The following HEATR3 variants were observed in gnomAD, a reference collection of about 807,000 sequenced individuals.
HEATR3 encodes HEAT repeat-containing protein 3.
In HEATR3, 56 loss-of-function variants were observed where a neutral mutation model predicts 72.8. The ratio of observed to expected loss-of-function variants is 0.77; its 90% confidence interval spans 0.62 to 0.96. The LOEUF (loss-of-function observed/expected upper bound fraction) is 0.96, where lower values mean the gene tolerates loss of function less well. Among genes scored for constraint, HEATR3 ranks in the 40% least tolerant of loss-of-function variants. HEATR3 has a pLI of 0.00. For synonymous variants in HEATR3, 331 were observed against 318.1 expected (o/e 1.04, Z -0.43); for missense variants, 747 against 831.4 (o/e 0.90, Z 1.25).
chr16:50,100,393 A>G lies in HEATR3; in HGVS notation c.1743+20A>G, dbSNP rs779141465. The stretch of plus-strand genomic sequence containing the variant: ...CTTAAGGTAAAACAATTTGCTTCTG[A>G]CCTAACATGTTAAATAATTAGAAAT... On this transcript the variant is annotated intron_variant, in intron 13 of 14. Coordinates refer to ENST00000299192, the MANE Select transcript of HEATR3 (RefSeq NM_182922.4). The G allele has an allele frequency of 6.2e-7, 1 of 1,610,528 alleles. No homozygotes were observed. The highest frequency in any genetic ancestry group is 8.5e-7 in the Non-Finnish European group (1 of 1,177,552).
At chr16:50,093,493 A>G (rs1377011656) in intron 11 of HEATR3, among the ~76,000 whole-genome samples, 1 of 152,160 alleles carries the variant, frequency 6.6e-6, no homozygotes, top group Non-Finnish European at 1.5e-5. Flanking sequence ...TGGTTTTACA[A>G]CTTGGAAATT....
In HEATR3 at chr16:50,070,222, A is replaced by G; in HGVS notation, c.444A>G (p.Lys148=). The change falls in exon 4 of 15, where the codon AAA becomes AAG. Residue 148 remains lysine (K), a synonymous_variant. Transcript: ENST00000299192. ...CAAATGAGATGTCTCTGCAGGAGAAAAAAGATCAGAACAGAAATTCTATTG... is the reference window on the plus strand; with the variant it reads ...CAAATGAGATGTCTCTGCAGGAGAAGAAAGATCAGAACAGAAATTCTATTG... ...LDSNEMSLQE[K]KDQNRNSIEN... 2 of 1,610,832 alleles carry G rather than the reference A, an allele frequency of 1.2e-6. No homozygotes were observed. The highest frequency in any genetic ancestry group is 8.5e-7 in the Non-Finnish European group (1 of 1,177,864).
intron 11 of HEATR3, among the ~76,000 whole-genome samples, chr16:50,087,258 A>T (rs1239465212): frequency 6.6e-6 from 1 of 152,212 alleles, no homozygotes; most frequent in East Asian, 1.9e-4. Flanking sequence ...ATCTTTCTTC[A>T]AACACCTTTG....
intron 3 of HEATR3, 148 bp from the exon 4 acceptor site, chr16:50,070,030 G>T: frequency 2.2e-6 from 1 of 454,852 alleles, no homozygotes; most frequent in Non-Finnish European, 4.0e-6. Context: ...ACTTTGTATT[G>T]ATTTTGTACT....
intron 3 of HEATR3, chr16:50,069,293 A>G (rs2036562172): frequency 6.0e-6 from 1 of 165,450 alleles, no homozygotes; most frequent in African/African-American, 2.4e-5. Context: ...GATTACAGTA[A>G]GTTCTCATGT....
chr16:50,068,831 G>C lies in HEATR3; in HGVS notation c.363G>C (p.Lys121Asn). 6.2e-7 allele frequency: 1 copy of C among 1,614,010 alleles called. No individual in the cohort carries two copies. The highest frequency in any genetic ancestry group is 8.5e-7 in the Non-Finnish European group (1 of 1,179,924). Residue 121 changes from lysine (K) to asparagine (N), a missense_variant, in exon 3 of 15, where the codon AAG becomes AAC. Transcript: ENST00000299192. Reference protein sequence around the residue: ...GFEVCDDMVTKDIMTPLVALL... With the variant: ...GFEVCDDMVTNDIMTPLVALL... ...AAGTTTGTGATGACATGGTGACTAA[G>C]GATATCATGACCCCTCTGGTTGCGC... is the stretch of plus-strand genomic sequence containing the variant.
At chr16:50,074,668 G>A (rs2036683644) in intron 5 of HEATR3, 2 of 151,528 alleles carry the variant, frequency 1.3e-5, no homozygotes, top group Non-Finnish European at 2.9e-5. Context: ...AACATTTATA[G>A]TAACGACATT....
intron 7 of HEATR3, among the ~76,000 whole-genome samples, chr16:50,082,849 G>A (rs901909750): frequency 2.7e-5 from 4 of 150,512 alleles, no homozygotes. Flanking sequence ...GTTGCACAGT[G>A]GTACAATCTC....
At chr16:50,094,310 G>C (rs1295584644) in intron 11 of HEATR3, among the ~76,000 whole-genome samples, 1 of 152,214 alleles carries the variant, frequency 6.6e-6, no homozygotes, top group East Asian at 1.9e-4. Context: ...GGGTTGGCAA[G>C]GAAGCATTCT....
At position 50,070,287 on chromosome 16, in the gene HEATR3, T is replaced by C. The variant is rs1483347868; in HGVS notation, c.509T>C (p.Ile170Thr). 1.3e-6 allele frequency: 2 copies of C among 1,496,748 alleles called. No homozygotes were observed. The highest frequency in any genetic ancestry group is 1.7e-4 in the Middle Eastern group (1 of 5,848). The allele number at this position is 1,496,748 out of a possible 1,614,324, so 92.7% of individuals were successfully genotyped here. A position where few individuals can be genotyped will look rare whatever the true frequency, so the allele number is the denominator to read the frequency against. Residue 170 changes from isoleucine to threonine, a missense_variant, in exon 4 of 15, where the codon ATA becomes ACA. By Grantham distance (89) the Ile-to-Thr change is moderately conservative. This residue lies in a region of HEATR3 where 586 missense variants were observed against 708.8 expected (regional missense o/e 0.83). Coordinates refer to ENST00000299192, the MANE Select transcript of HEATR3 (RefSeq NM_182922.4). The part of the protein sequence containing the change: ...ANETVNVLWN[I>T]CECSSRAVSI... ...GAGACTGTGAACGTGCTGTGGAATA[T>C]ATGGTAAGATGCCTACCAAACACAG...
intron 11 of HEATR3, among the ~76,000 whole-genome samples, chr16:50,087,893 G>A (rs538388720): frequency 9.9e-5 from 15 of 152,264 alleles, no homozygotes; most frequent in Non-Finnish European, 1.6e-4. Flanking sequence ...TTGGGAGGCC[G>A]AGGCGGGTGG....
intron 2 of HEATR3, 191 bp downstream of exon 2, chr16:50,066,730 C>A: frequency 2.1e-6 from 1 of 485,060 alleles, no homozygotes; most frequent in Non-Finnish European, 3.3e-6. Context: ...ATCTGTCCAC[C>A]TGGCTGCTTC....
chr16:50,068,920 CT>C (rs1225846177), intron 3 of HEATR3, 53 bp downstream of exon 3: 10 of 1,313,232 alleles, frequency 7.6e-6, no homozygotes, highest in African/African-American at 1.5e-5. Context: ...CAAACTTAGA[CT>C]TTTTTTAGTA....
At chr16:50,104,358 C>CA (rs1339725781) in intron 14 of HEATR3, among the ~76,000 whole-genome samples, 2 of 151,156 alleles carry the variant, frequency 1.3e-5, no homozygotes, top group African/African-American at 4.9e-5. Flanking sequence ...GTTCCAAAAA[C>CA]AAAAAAACCA....
intron 6 of HEATR3, 126 bp from the exon 7 acceptor site, chr16:50,078,615 A>G: frequency 1.2e-6 from 1 of 864,644 alleles, no homozygotes; most frequent in East Asian, 2.6e-5. Context: ...TAAATAATGA[A>G]CAAAGGCAGT....
chr16:50,075,725 T>G lies in HEATR3; in HGVS notation c.763+14T>G. On this transcript the variant is annotated intron_variant, in intron 6 of 14. Coordinates refer to ENST00000299192, the MANE Select transcript of HEATR3 (RefSeq NM_182922.4). Reference sequence around the variant, plus strand: ...CATTGGTAGCAGGTAAAATTTAGCCTTACGGCATAGTATATTGTTTCAGTA... The same window carrying G: ...CATTGGTAGCAGGTAAAATTTAGCCGTACGGCATAGTATATTGTTTCAGTA... 1.2e-6 allele frequency: 2 copies of G among 1,608,574 alleles called. No homozygotes were observed. The highest frequency in any genetic ancestry group is 1.7e-6 in the Non-Finnish European group (2 of 1,176,472).
chr16:50,086,500 G>C (rs565920850), intron 11 of HEATR3, 149 bp downstream of exon 11: 64 of 876,678 alleles, frequency 7.3e-5, no homozygotes, highest in Admixed American at 1.8e-4. Flanking sequence ...GTTGCCATGG[G>C]GTACAGAGTC....
At chr16:50,095,316 A>C (rs2037209495) in intron 12 of HEATR3, among the ~76,000 whole-genome samples, 1 of 151,536 alleles carries the variant, frequency 6.6e-6, no homozygotes, top group Non-Finnish European at 1.5e-5. Context: ...CCGTGTGGCC[A>C]GGCTGGTCTT....
At chr16:50,092,324 T>G (rs1333434074) in intron 11 of HEATR3, among the ~76,000 whole-genome samples, 6 of 152,156 alleles carry the variant, frequency 3.9e-5, no homozygotes, top group Non-Finnish European at 2.9e-5. Context: ...GTACCACGTT[T>G]TATGAGACAG....
Sources: gnomAD v4.1 joint callset for allele counts (sites outside exome capture counted in the v4.1 genomes callset) on GRCh38, gnomAD v4.1.1 for gene constraint, gnomAD v4.1.1 regional missense constraint, MANE v1.5 for transcripts, NCBI Gene and HGNC (gene_info 2026-07-23, HGNC 2026-07-21) for gene names.